RGS22: variants seen among roughly 807,000 people sequenced by gnomAD.
The protein encoded by RGS22 is regulator of G-protein signaling 22.
In RGS22, 148 loss-of-function variants were observed where a neutral mutation model predicts 172.9. The observed-to-expected ratio is 0.86, with a 90% CI of 0.75 to 0.98. The LOEUF (loss-of-function observed/expected upper bound fraction) is 0.98. RGS22 is among the 50% of genes least tolerant of loss of function. The pLI, the probability that RGS22 is intolerant of heterozygous loss-of-function variation, is 0.00. For synonymous variants in RGS22, 458 were observed against 480.2 expected (o/e 0.95, Z 0.60); for missense variants, 1,347 against 1,440.8 (o/e 0.93, Z 1.05).
chr8:100,105,054 C>T (rs1314548740), intron 2 of RGS22, among the ~76,000 whole-genome samples: 1 of 152,186 alleles, frequency 6.6e-6, no homozygotes, highest in East Asian at 1.9e-4. Flanking sequence ...AAATGCACAG[C>T]CACATCATAA....
intron 11 of RGS22, among the ~76,000 whole-genome samples, chr8:100,043,268 G>A (rs1396145007): frequency 3.9e-5 from 6 of 152,056 alleles, no homozygotes; most frequent in Admixed American, 6.6e-5. Context: ...AGGAAGAAGC[G>A]CCCCACCTCC....
In RGS22 at chr8:100,086,311, G is replaced by T. The variant is rs116244237; in HGVS notation, c.118-5956C>A. 2.2e-3 allele frequency among the ~76,000 whole-genome samples: 334 copies of T among 152,214 alleles called. 3 individuals carry two copies. Among genetic ancestry groups the T allele is most frequent in the African/African-American group, 7.7e-3 (319 of 41,550 alleles). The stretch of plus-strand genomic sequence containing the variant: ...AAGACTGGAGAGAAAGGATGAATTC[G>T]TTGAGGACCTACTATCATATGCTGT... On this transcript the variant is annotated intron_variant, in intron 3 of 27. Coordinates refer to ENST00000360863, the MANE Select transcript of RGS22 (RefSeq NM_015668.5).
intron 14 of RGS22, among the ~76,000 whole-genome samples, chr8:100,028,672 G>C (rs1452186674): frequency 6.6e-6 from 1 of 152,096 alleles, no homozygotes; most frequent in Non-Finnish European, 1.5e-5. Context: ...CCACTAAAAA[G>C]CTCATAATTC....
At chr8:100,100,981 T>C (rs1813425852) in intron 2 of RGS22, among the ~76,000 whole-genome samples, 1 of 152,186 alleles carries the variant, frequency 6.6e-6, no homozygotes, top group African/African-American at 2.4e-5. Context: ...AAATAGATCA[T>C]TACACTACAA....
At chr8:100,028,523 A>C (rs887680343) in intron 14 of RGS22, among the ~76,000 whole-genome samples, 1 of 152,106 alleles carries the variant, frequency 6.6e-6, no homozygotes, top group Non-Finnish European at 1.5e-5. Flanking sequence ...AAAAGAAAGA[A>C]AACAACATAT....
At chr8:100,041,947 A>G (rs775030075) in intron 11 of RGS22, 31 bp from the exon 12 acceptor site, 19 of 1,406,282 alleles carry the variant, frequency 1.4e-5, no homozygotes, top group Non-Finnish European at 1.5e-5. Flanking sequence ...CTAAAATTAT[A>G]AGAATGAGAA....
At chr8:100,011,237 GGGGAATCTTTGAA>G (rs1348017982) in intron 14 of RGS22, among the ~76,000 whole-genome samples, 1 of 152,196 alleles carries the variant, frequency 6.6e-6, no homozygotes, top group Non-Finnish European at 1.5e-5. Context: ...AAGATATAAT[GGGGAATCTTTGAA>G]GGATTTTAAC....
intron 14 of RGS22, among the ~76,000 whole-genome samples, chr8:100,022,916 G>A (rs1274302029): frequency 6.6e-6 from 1 of 151,942 alleles, no homozygotes; most frequent in Non-Finnish European, 1.5e-5. Flanking sequence ...TTTTTGTAGA[G>A]ATAGGGTTTT....
intron 6 of RGS22, among the ~76,000 whole-genome samples, chr8:100,069,647 A>G (rs1458671121): frequency 6.6e-6 from 1 of 152,232 alleles, no homozygotes; most frequent in Non-Finnish European, 1.5e-5. Flanking sequence ...TACAAAAGAA[A>G]TGAATCCAAA....
At chr8:100,062,532 T>C (rs1810222073) in intron 9 of RGS22, 59 bp downstream of exon 9, 8 of 1,148,710 alleles carry the variant, frequency 7.0e-6, no homozygotes, top group Admixed American at 2.2e-5. Context: ...ACAAAAAAAG[T>C]ATAACTCATA....
At chr8:100,053,111 T>A in intron 9 of RGS22, 135 bp from the exon 10 acceptor site, 1 of 761,062 alleles carries the variant, frequency 1.3e-6, no homozygotes, top group Non-Finnish European at 2.1e-6. Flanking sequence ...TTTTACTTCT[T>A]TCTCTACTAC....
Position 100,063,847 on chromosome 8 carries a change from C to A in RGS22, c.921G>T (p.Met307Ile). The A allele has an allele frequency of 6.2e-7, 1 of 1,610,166 alleles. No individual in the cohort carries two copies. The highest frequency in any genetic ancestry group is 8.5e-7 in the Non-Finnish European group (1 of 1,178,870). ...KKQDVDESLT[M>I]HFSTCEEFLS... ...AAAATTCTTCACATGTTGAGAAATG[C>A]ATTGTCAGGCTTTCATCAACATCCT... Residue 307 changes from methionine to isoleucine, a missense_variant, in exon 8 of 28, where the codon ATG (methionine) becomes ATT (isoleucine). By Grantham distance (10) the Met-to-Ile change is conservative. Transcript: ENST00000360863.
chr8:99,984,636 C>T (rs1234694852), intron 21 of RGS22, among the ~76,000 whole-genome samples: 1 of 152,128 alleles, frequency 6.6e-6, no homozygotes, highest in African/African-American at 2.4e-5. Flanking sequence ...TTATAATTGC[C>T]TTGTCTACCA....
intron 17 of RGS22, among the ~76,000 whole-genome samples, chr8:100,002,762 A>G (rs531211386): frequency 2.0e-5 from 3 of 152,358 alleles, no homozygotes; most frequent in African/African-American, 7.2e-5. Context: ...AAAAATAGAA[A>G]GCTTGAATAA....
chr8:99,987,569 G>A lies in RGS22; in HGVS notation c.3069C>T (p.Arg1023=). 1 of 1,609,718 alleles carries A rather than the reference G, an allele frequency of 6.2e-7. No individual in the cohort carries two copies. Among genetic ancestry groups the A allele is most frequent in the Non-Finnish European group, 8.5e-7 (1 of 1,177,798 alleles). ...AAGTAACTGGATTCAATAATGCTTT[G>A]CGAAAAGCAATGATTTTACAAGATG... ...ISSSCKIIAF[R]KALLNPVTSR... is the part of the protein sequence containing the mutation. Residue 1023 remains arginine, a synonymous_variant, in exon 21 of 28, where the codon CGC becomes CGT. Transcript: ENST00000360863.
chr8:100,101,485 A>G lies in RGS22; in HGVS notation c.54+3889T>C, dbSNP rs1563735947. Among the ~76,000 whole-genome samples the G allele has an allele frequency of 2.8e-5, 4 of 142,984 alleles. No homozygotes were observed. The Admixed American group carries it at 2.9e-4, about 10-fold the overall frequency. 93.8% of individuals were successfully genotyped at this position (142,984 alleles called of 152,430 possible). ...TTTTTTGGTATTTTTAGTAGAGACA[A>G]GGTTTCACTGTGTTAACCAGGATGG... On this transcript the variant is annotated intron_variant, in intron 2 of 27. Transcript: ENST00000360863.
chr8:100,026,273 G>C (rs574070591), intron 14 of RGS22, among the ~76,000 whole-genome samples: 4 of 152,320 alleles, frequency 2.6e-5, no homozygotes, highest in South Asian at 2.1e-4. Context: ...CCTAATAGGA[G>C]ACTGAAATGA....
At chr8:100,052,152 T>TATATTTATATATAAATATATAAAC (rs1821681326) in intron 10 of RGS22, among the ~76,000 whole-genome samples, 2 of 61,574 alleles carry the variant, frequency 3.2e-5, no homozygotes, top group African/African-American at 9.9e-5. Context: ...TATATTAATA[T>TATATTTATATATAAATATATAAAC]ATATATAAAT....
chr8:99,995,924 T>C (rs1364982890), intron 20 of RGS22, among the ~76,000 whole-genome samples: 1 of 152,132 alleles, frequency 6.6e-6, no homozygotes. Flanking sequence ...TGGAATACTA[T>C]GCAGCCATAA....
Sources: gnomAD v4.1 joint callset for allele counts (sites outside exome capture counted in the v4.1 genomes callset) on GRCh38, gnomAD v4.1.1 for gene constraint, MANE v1.5 for transcripts, NCBI Gene and HGNC (gene_info 2026-07-23, HGNC 2026-07-21) for gene names.